The following ASB3 variants were observed in gnomAD, a reference collection of about 807,000 sequenced individuals.
The protein encoded by ASB3 is ankyrin repeat and SOCS box protein 3.
ASB3 carries 41 observed loss-of-function variants against 54.5 expected under a neutral mutation model. The observed-to-expected ratio is 0.75, with a 90% CI of 0.59 to 0.98. The LOEUF is 0.98. ASB3 is among the 50% of genes least tolerant of loss of function. The probability of loss-of-function intolerance (pLI) is 0.00; values close to 1 mark genes in which losing one functional copy is unlikely to be tolerated. For missense variants in ASB3, 733 were observed against 620.0 expected (o/e 1.18, Z -1.94); for synonymous variants, 266 against 221.2 (o/e 1.20, Z -1.80).
chr2:53,675,632 A>C (rs1668045008), intron 9 of ASB3, among the ~76,000 whole-genome samples: 1 of 152,206 alleles, frequency 6.6e-6, no homozygotes. Context: ...AGTTATTGTC[A>C]AAATTCATCT....
intron 1 of ASB3, among the ~76,000 whole-genome samples, chr2:53,775,993 A>T (rs2104188193): frequency 6.6e-6 from 1 of 152,308 alleles, no homozygotes; most frequent in East Asian, 1.9e-4. Flanking sequence ...CAAACCATTC[A>T]GGTTATTCCT....
chr2:53,725,897 T>A (rs192669892), intron 5 of ASB3, among the ~76,000 whole-genome samples: 90 of 152,222 alleles, frequency 5.9e-4, no homozygotes, highest in African/African-American at 1.5e-3. Flanking sequence ...GTAAACACTA[T>A]AACTGAAAAG....
At chr2:53,719,954 C>T (rs1169388227) in intron 5 of ASB3, among the ~76,000 whole-genome samples, 1 of 152,144 alleles carries the variant, frequency 6.6e-6, no homozygotes, top group South Asian at 2.1e-4. Flanking sequence ...CTGCTTAGCG[C>T]AACCCTGCCT....
Position 53,765,376 on chromosome 2 carries a change from C to A in ASB3, c.196+1G>T, listed in dbSNP as rs1293987519. On this transcript the variant is annotated splice_donor_variant, in intron 2 of 9. Transcript: ENST00000263634. LOFTEE classifies it high-confidence loss of function. ...GCCTCCATACCTTGAATTTACTTTA[C>A]CTGCATTAATTAACATTTGCAAACA... 1.2e-5 allele frequency: 19 copies of A among 1,614,024 alleles called. No homozygotes were observed. The Admixed American group carries it at 3.2e-4, about 27-fold the overall frequency.
In ASB3 at chr2:53,670,655, C is replaced by T; in HGVS notation, c.1405G>A (p.Glu469Lys). 1 of 1,613,780 alleles carries T rather than the reference C, an allele frequency of 6.2e-7. No individual in the cohort carries two copies. Among genetic ancestry groups the T allele is most frequent in the East Asian group, 2.2e-5 (1 of 44,840 alleles). The change falls in exon 10 of 10, where the codon GAA becomes AAA. Residue 469 changes from glutamate to lysine, a missense_variant. By Grantham distance (56) the Glu-to-Lys change is moderately conservative. Transcript: ENST00000263634. ...TCTGATTTTAGACTGGACCGAATTT[C>T]CAAACGACAAAGATGGGTCAGGGAT... ...VPSLTHLCRL[E>K]IRSSLKSERL... is the part of the protein sequence containing the mutation.
intron 9 of ASB3, among the ~76,000 whole-genome samples, chr2:53,671,589 G>A (rs1222593005): frequency 3.3e-5 from 5 of 151,938 alleles, no homozygotes; most frequent in African/African-American, 7.3e-5. Flanking sequence ...GTGAAACAAC[G>A]TCTCTACTAA....
At chr2:53,732,459 G>C (rs1403218494) in intron 3 of ASB3, among the ~76,000 whole-genome samples, 1 of 152,164 alleles carries the variant, frequency 6.6e-6, no homozygotes, top group Non-Finnish European at 1.5e-5. Flanking sequence ...TCTATAGCCA[G>C]TCCATGACTT....
In ASB3 at chr2:53,714,527, G is replaced by C. The variant is rs1445573078; in HGVS notation, c.837C>G (p.Asn279Lys). Residue 279 changes from asparagine (N) to lysine (K), a missense_variant, in exon 7 of 10, where the codon AAC becomes AAG. Physicochemically the swap from Asn to Lys is moderately conservative, Grantham distance 94. Coordinates refer to ENST00000263634, the MANE Select transcript of ASB3 (RefSeq NM_016115.5). ...CTGCTGAGTAAACAGGGCTTACTTT[G>C]TTTAGCCCAGTGTCACAGGCCCGGT... is the stretch of plus-strand genomic sequence containing the variant. The part of the protein sequence containing the change: ...LTNRACDTGL[N>K]KVSPVYSAVF... 8 of 1,614,156 alleles carry C rather than the reference G, an allele frequency of 5.0e-6. No homozygotes were observed. The South Asian group carries it at 7.7e-5, about 16-fold the overall frequency.
chr2:53,672,967 A>G (rs1202693561), intron 9 of ASB3, among the ~76,000 whole-genome samples: 1 of 152,176 alleles, frequency 6.6e-6, no homozygotes, highest in African/African-American at 2.4e-5. Context: ...ATCTGGAATT[A>G]TTTAACTCCA....
intron 3 of ASB3, among the ~76,000 whole-genome samples, chr2:53,730,560 C>T (rs774523264): frequency 2.0e-5 from 3 of 152,108 alleles, no homozygotes; most frequent in African/African-American, 2.4e-5. Context: ...TGGGTATATA[C>T]CCAGTAACGG....
chr2:53,771,784 A>G, intron 1 of ASB3: 1 of 701,468 alleles, frequency 1.4e-6, no homozygotes, highest in Middle Eastern at 3.5e-4. Context: ...ACTATGCTTA[A>G]GAAATAGTGC....
intron 2 of ASB3, among the ~76,000 whole-genome samples, chr2:53,760,370 C>G (rs189744548): frequency 1.3e-5 from 2 of 152,236 alleles, no homozygotes; most frequent in African/African-American, 4.8e-5. Context: ...CAGTTTTACA[C>G]TGCCAGGGTC....
intron 1 of ASB3, chr2:53,771,802 G>A: frequency 5.4e-6 from 4 of 738,722 alleles, no homozygotes; most frequent in Non-Finnish European, 9.6e-6. Context: ...TGCTTCTTAT[G>A]AGCAAATATA....
At chr2:53,700,176 T>TAC (rs112093661) in intron 8 of ASB3, 95 bp downstream of exon 8, 119,336 of 1,522,002 alleles carry the variant, frequency 0.078, 5,552 homozygotes, top group East Asian at 0.17. Flanking sequence ...AAAACACAGA[T>TAC]ACCCTTCTCC....
At chr2:53,782,205 T>A (rs1674687775) in intron 1 of ASB3, among the ~76,000 whole-genome samples, 3 of 151,926 alleles carry the variant, frequency 2.0e-5, no homozygotes, top group Admixed American at 2.0e-4. Context: ...AAAAAAACAA[T>A]GGATTACTCA....
At chr2:53,771,958 T>A in intron 1 of ASB3, 1 of 1,396,736 alleles carries the variant, frequency 7.2e-7, no homozygotes, top group Non-Finnish European at 9.8e-7. Context: ...GTATAAATAT[T>A]CTTTTTTGTA....
chr2:53,741,154 T>A (rs1671910995), intron 3 of ASB3, among the ~76,000 whole-genome samples: 1 of 152,200 alleles, frequency 6.6e-6, no homozygotes, highest in East Asian at 1.9e-4. Flanking sequence ...CTATCCTTAA[T>A]CCCAAAGAGT....
At chr2:53,751,675 TAAAAA>T (rs796715873) in intron 2 of ASB3, among the ~76,000 whole-genome samples, 1 of 145,428 alleles carries the variant, frequency 6.9e-6, no homozygotes, top group African/African-American at 2.5e-5. Flanking sequence ...AAACAGAAAA[TAAAAA>T]AAAAAACTTA....
At chr2:53,698,503 C>T (rs1212886574) in intron 8 of ASB3, among the ~76,000 whole-genome samples, 1 of 152,160 alleles carries the variant, frequency 6.6e-6, no homozygotes, top group Non-Finnish European at 1.5e-5. Context: ...CTATAAGTGG[C>T]CACAAGTAGC....
Sources: gnomAD v4.1 joint callset for allele counts (sites outside exome capture counted in the v4.1 genomes callset) on GRCh38, gnomAD v4.1.1 for gene constraint, MANE v1.5 for transcripts, NCBI Gene and HGNC (gene_info 2026-07-23, HGNC 2026-07-21) for gene names.